KLF17: variants seen among roughly 807,000 people sequenced by gnomAD.
KLF17 encodes the protein Krueppel-like factor 17.
Under a neutral mutation model 34.2 loss-of-function variants are expected in KLF17, and 31 were observed. That is an observed-to-expected ratio of 0.91 (90% CI 0.68 to 1.22). The LOEUF is 1.22. Among genes scored for constraint, KLF17 ranks in the 50% most tolerant of loss-of-function variants. The pLI is 0.00. For missense variants in KLF17, 478 were observed against 505.2 expected, an observed-to-expected ratio of 0.95 and a Z score of 0.52; for synonymous variants, 179 against 186.7, an observed-to-expected ratio of 0.96 and a Z score of 0.34.
chr1:44,087,473 A>G, the KLF17 span, among the ~76,000 whole-genome samples: 8 of 151,706 alleles, frequency 5.3e-5, no homozygotes, highest in African/African-American at 1.9e-4. Flanking sequence ...TATGTTGCCT[A>G]GGCTGGTTTC....
the KLF17 span, among the ~76,000 whole-genome samples, chr1:44,084,926 T>TAA: frequency 2.9e-4 from 33 of 112,860 alleles, no homozygotes; most frequent in Non-Finnish European, 4.1e-4. Context: ...AAATAAAAAT[T>TAA]AGAAAAAAAA....
chr1:44,104,514 A>G, the KLF17 span: 1 of 732,438 alleles, frequency 1.4e-6, no homozygotes, highest in Non-Finnish European at 2.5e-6. Context: ...CTGGGTGCGC[A>G]TGGCCTGGAT....
chr1:44,070,578 CT>C, the KLF17 span, among the ~76,000 whole-genome samples: 1 of 148,336 alleles, frequency 6.7e-6, no homozygotes, highest in African/African-American at 2.5e-5. Context: ...TCACCTCTCC[CT>C]TTTCCCTTGT....
At chr1:44,069,045 A>G in the KLF17 span, among the ~76,000 whole-genome samples, 1 of 152,058 alleles carries the variant, frequency 6.6e-6, no homozygotes, top group Non-Finnish European at 1.5e-5. The surrounding 1 kb of genome is among the most constrained non-coding windows in gnomAD (Gnocchi z 4.7). Context: ...CTCCCCTCAC[A>G]GAAATGTGTA....
At chr1:44,099,073 T>C in the KLF17 span, among the ~76,000 whole-genome samples, 1 of 151,916 alleles carries the variant, frequency 6.6e-6, no homozygotes, top group Non-Finnish European at 1.5e-5. Flanking sequence ...CAAAAGAGTA[T>C]CTATAATGTG....
chr1:44,064,861 C>T, the KLF17 span, among the ~76,000 whole-genome samples: 1 of 152,154 alleles, frequency 6.6e-6, no homozygotes, highest in Admixed American at 6.5e-5. Context: ...TATTTGAAAG[C>T]TGCTAATCGT....
the KLF17 span, chr1:44,051,067 G>A: frequency 6.9e-6 from 1 of 143,990 alleles, no homozygotes; most frequent in Non-Finnish European, 1.5e-5. Context: ...GAGAGAAAAC[G>A]ACAGCATGAG....
chr1:44,067,865 G>C, the KLF17 span, among the ~76,000 whole-genome samples: 2 of 152,050 alleles, frequency 1.3e-5, no homozygotes, highest in Admixed American at 6.5e-5. Flanking sequence ...GGGTGGGACA[G>C]AGCAGGACAG....
the KLF17 span, chr1:44,044,591 C>G: frequency 6.6e-6 from 1 of 152,278 alleles, no homozygotes; most frequent in Non-Finnish European, 1.5e-5. Flanking sequence ...GGGCAGAGGT[C>G]AGGGATGCTG....
chr1:44,058,401 C>G, the KLF17 span, among the ~76,000 whole-genome samples: 1 of 152,112 alleles, frequency 6.6e-6, no homozygotes, highest in African/African-American at 2.4e-5. Flanking sequence ...AGCGATTCTC[C>G]TGCCTCAGGC....
At chr1:44,071,090 C>T in the KLF17 span, among the ~76,000 whole-genome samples, 1 of 152,242 alleles carries the variant, frequency 6.6e-6, no homozygotes, top group South Asian at 2.1e-4. Context: ...ACTGCTCCTC[C>T]CGAGGTTACC....
the KLF17 span, among the ~76,000 whole-genome samples, chr1:44,058,667 CTTTTTTTTTTTTTTTTTTTT>C: frequency 3.5e-3 from 228 of 65,224 alleles, 2 homozygotes; most frequent in African/African-American, 0.013. Flanking sequence ...ATGGGAGGCC[CTTTTTTTTTTTTTTTTTTTT>C]TTTTTTTTTT....
In KLF17 at chr1:44,129,341, T is replaced by G. The variant is rs766291772; in HGVS notation, c.82-12T>G. The G allele has an allele frequency of 4.7e-5, 70 of 1,504,712 alleles. No homozygotes were observed. The highest frequency in any genetic ancestry group is 1.6e-5 in the Non-Finnish European group (18 of 1,127,060). The allele number at this position is 1,504,712 out of a possible 1,614,324, so 93.2% of individuals were successfully genotyped here. ...AATTTGAGCAAAAATCACCTGACTC[T>G]TTTTCCCCAAGGATAACGAGAACTC... is the stretch of plus-strand genomic sequence containing the variant. On this transcript the variant is annotated splice_polypyrimidine_tract_variant and intron_variant, in intron 1 of 3. Coordinates refer to ENST00000372299, the MANE Select transcript of KLF17 (RefSeq NM_173484.4).
the KLF17 span, among the ~76,000 whole-genome samples, chr1:44,094,193 G>GT: frequency 1.9e-4 from 29 of 150,954 alleles, no homozygotes; most frequent in East Asian, 1.9e-4. Context: ...CAGGTTATTT[G>GT]TTTTTTTTTT....
the KLF17 span, among the ~76,000 whole-genome samples, chr1:44,065,262 T>C: frequency 6.6e-6 from 1 of 151,162 alleles, no homozygotes; most frequent in Admixed American, 6.6e-5. Flanking sequence ...CATTCCAGCC[T>C]GGGCGACAGA....
the KLF17 span, among the ~76,000 whole-genome samples, chr1:44,090,143 AAGAG>A: frequency 2.7e-5 from 4 of 150,226 alleles, no homozygotes; most frequent in African/African-American, 9.8e-5. Context: ...AAAAAAAAAA[AAGAG>A]AGAGAGACAG....
chr1:44,102,665 G>A, the KLF17 span, among the ~76,000 whole-genome samples: 1 of 151,346 alleles, frequency 6.6e-6, no homozygotes, highest in African/African-American at 2.4e-5. Flanking sequence ...AACACCAGGA[G>A]TGAATCCTAA....
the KLF17 span, among the ~76,000 whole-genome samples, chr1:44,091,950 A>AAC: frequency 0.047 from 5,178 of 110,118 alleles, 255 homozygotes; most frequent in East Asian, 0.14. Context: ...CAACAACAAC[A>AAC]ACACACACAC....
chr1:44,063,800 A>G, the KLF17 span, among the ~76,000 whole-genome samples: 6 of 152,316 alleles, frequency 3.9e-5, no homozygotes, highest in East Asian at 7.7e-4. Flanking sequence ...AATAAAAGTT[A>G]AGTTTATCTG....
Sources: allele counts gnomAD v4.1 joint callset (sites outside exome capture counted in the v4.1 genomes callset), GRCh38; gene constraint gnomAD v4.1.1; non-coding constraint Gnocchi (gnomAD v3.1); transcripts MANE v1.5; gene names NCBI Gene and HGNC (gene_info 2026-07-23, HGNC 2026-07-21).